Variants in SLCO3A1 observed in about 807,000 individuals in gnomAD.
SLCO3A1 encodes the protein PGE1 transporter.
In SLCO3A1, 27 loss-of-function variants were observed where a neutral mutation model predicts 63.1. That is an observed-to-expected ratio of 0.43 (90% confidence interval 0.32 to 0.59). The LOEUF (loss-of-function observed/expected upper bound fraction) is 0.59, where lower values mean the gene tolerates loss of function less well. Ranked by LOEUF, SLCO3A1 falls within the 20% of genes least tolerant of loss-of-function variation. The probability of loss-of-function intolerance (pLI) is 0.09; values close to 1 mark genes in which losing one functional copy is unlikely to be tolerated. For synonymous variants in SLCO3A1, 473 were observed against 409.9 expected, an observed-to-expected ratio of 1.15 and a Z score of -1.86; for missense variants, 773 against 945.8, an observed-to-expected ratio of 0.82 and a Z score of 2.40.
intron 1 of SLCO3A1, among the ~76,000 whole-genome samples, chr15:91,904,864 A>G (rs2151372039): frequency 6.6e-6 from 1 of 152,304 alleles, no homozygotes; most frequent in African/African-American, 2.4e-5. Flanking sequence ...AAGAGAGGAT[A>G]TAATTAGGTG....
chr15:91,977,296 T>C (rs983280923), intron 2 of SLCO3A1, among the ~76,000 whole-genome samples: 12 of 152,184 alleles, frequency 7.9e-5, no homozygotes, highest in Admixed American at 7.2e-4. Context: ...CAGCCTCATG[T>C]TGCTGACCCT....
intron 1 of SLCO3A1, among the ~76,000 whole-genome samples, chr15:91,901,121 G>A (rs1341539444): frequency 1.3e-5 from 2 of 151,668 alleles, no homozygotes; most frequent in Non-Finnish European, 2.9e-5. Flanking sequence ...ATTTTCTCAT[G>A]TTTCATTTCA....
chr15:92,090,528 G>A (rs2047459505), intron 2 of SLCO3A1, among the ~76,000 whole-genome samples: 1 of 152,194 alleles, frequency 6.6e-6, no homozygotes, highest in African/African-American at 2.4e-5. Context: ...GCAACCCAGT[G>A]TGCCAATGTG....
chr15:91,907,162 A>G (rs1428185693), intron 1 of SLCO3A1, among the ~76,000 whole-genome samples: 5 of 152,182 alleles, frequency 3.3e-5, no homozygotes, highest in African/African-American at 7.2e-5. Flanking sequence ...AATGCAGGCG[A>G]TGGCAGAGAC....
At chr15:92,136,557 T>C (rs945621564) in intron 7 of SLCO3A1, among the ~76,000 whole-genome samples, 2 of 152,248 alleles carry the variant, frequency 1.3e-5, no homozygotes, top group African/African-American at 4.8e-5. Context: ...AATAGAAACA[T>C]TTCTCAATTG....
Position 91,865,785 on chromosome 15 carries a change from C to G in SLCO3A1, c.180+11697C>G, listed in dbSNP as rs141171837. ...GCTTACATCTGCTAAGTCCTCGTTT[C>G]CAAATTAGGTCACATTCACAGGCAC... is the stretch of plus-strand genomic sequence containing the variant. On this transcript the variant is annotated intron_variant, in intron 1 of 9. Coordinates refer to ENST00000318445, the MANE Select transcript of SLCO3A1 (RefSeq NM_013272.4). The surrounding 1 kb of genome is among the most constrained non-coding windows in gnomAD (Gnocchi z 4.6). Among the ~76,000 whole-genome samples, 1 of 152,336 alleles carries G rather than the reference C, an allele frequency of 6.6e-6. No individual in the cohort carries two copies. Among genetic ancestry groups the G allele is most frequent in the African/African-American group, 2.4e-5 (1 of 41,572 alleles).
At chr15:91,908,948 C>G (rs369688213) in intron 1 of SLCO3A1, among the ~76,000 whole-genome samples, 24 of 152,278 alleles carry the variant, frequency 1.6e-4, no homozygotes, top group African/African-American at 5.8e-4. Context: ...GTAATCCCAG[C>G]TACTCAGGAG....
chr15:92,162,918 T>G lies in SLCO3A1; in HGVS notation c.1916T>G (p.Ile639Ser). ...ATCGCGCTCAAATCCTTCGCCTTCA[T>G]CCTGTACACCACCACGTGGCAGTGC... is the stretch of plus-strand genomic sequence containing the variant. ...IAIALKSFAF[I>S]LYTTTWQCLR... The change falls in exon 10 of 10, where the codon ATC becomes AGC. Residue 639 changes from isoleucine (I) to serine (S), a missense_variant. Ile to Ser is a moderately radical substitution (Grantham distance 142, BLOSUM62 -2). This residue lies in a region of SLCO3A1 where 139 missense variants were observed against 131.4 expected (regional missense o/e 1.06). Coordinates refer to ENST00000318445, the MANE Select transcript of SLCO3A1 (RefSeq NM_013272.4). 6.2e-7 allele frequency: 1 copy of G among 1,614,180 alleles called. No homozygotes were observed.
chr15:91,913,684 A>C (rs1476507894), intron 1 of SLCO3A1, among the ~76,000 whole-genome samples: 1 of 152,208 alleles, frequency 6.6e-6, no homozygotes, highest in East Asian at 1.9e-4. Context: ...AGATACACGT[A>C]TCTGGACACT....
chr15:92,004,194 T>A (rs900892154), intron 2 of SLCO3A1, among the ~76,000 whole-genome samples: 1 of 152,094 alleles, frequency 6.6e-6, no homozygotes, highest in Non-Finnish European at 1.5e-5. Context: ...CATGCTGGAC[T>A]AGCTGGGAGT....
intron 2 of SLCO3A1, among the ~76,000 whole-genome samples, chr15:91,987,178 A>T (rs561864397): frequency 6.6e-6 from 1 of 152,230 alleles, no homozygotes; most frequent in East Asian, 1.9e-4. Context: ...CAATAATCAG[A>T]TAATAAGGGA....
chr15:91,970,368 G>C (rs997780637), intron 2 of SLCO3A1, among the ~76,000 whole-genome samples: 1 of 152,202 alleles, frequency 6.6e-6, no homozygotes, highest in Middle Eastern at 3.2e-3. Context: ...GGCAGTTTGG[G>C]CTCCATCACA....
chr15:91,946,214 G>A (rs1022078096), intron 2 of SLCO3A1, among the ~76,000 whole-genome samples: 1 of 152,192 alleles, frequency 6.6e-6, no homozygotes, highest in Admixed American at 6.5e-5. Flanking sequence ...AATTAGGGCA[G>A]CGTCTTCTCT....
At chr15:92,101,376 G>A (rs571197877) in intron 3 of SLCO3A1, among the ~76,000 whole-genome samples, 3 of 152,076 alleles carry the variant, frequency 2.0e-5, no homozygotes, top group Non-Finnish European at 4.4e-5. Context: ...GGGCATGGTG[G>A]TGGGCACCTG....
intron 1 of SLCO3A1, among the ~76,000 whole-genome samples, chr15:91,877,817 A>G (rs1897438407): frequency 6.6e-6 from 1 of 152,132 alleles, no homozygotes; most frequent in Non-Finnish European, 1.5e-5. Flanking sequence ...CAATGAACCT[A>G]CAAAAAAATC....
chr15:92,065,095 T>TTTC (rs1312033980), intron 2 of SLCO3A1, among the ~76,000 whole-genome samples: 2 of 152,104 alleles, frequency 1.3e-5, no homozygotes, highest in Non-Finnish European at 2.9e-5. Flanking sequence ...TGTTTGTTTG[T>TTTC]TTTTGCAGAT....
chr15:91,935,997 C>T (rs74465965), intron 2 of SLCO3A1, among the ~76,000 whole-genome samples: 4 of 152,184 alleles, frequency 2.6e-5, no homozygotes, highest in Admixed American at 6.5e-5. Flanking sequence ...GGCAGATCAT[C>T]GAGCAAGGAG....
intron 2 of SLCO3A1, among the ~76,000 whole-genome samples, chr15:92,026,811 G>A (rs999254448): frequency 2.0e-5 from 3 of 152,176 alleles, no homozygotes; most frequent in African/African-American, 4.8e-5. Context: ...GATTATGGCC[G>A]GGCACAGTGG....
chr15:92,120,725 C>T (rs944338001), intron 5 of SLCO3A1, 96 bp downstream of exon 5: 29 of 990,730 alleles, frequency 2.9e-5, no homozygotes, highest in Non-Finnish European at 3.9e-5. Context: ...GAACCCCACT[C>T]TGCTCTGGGC....
Sources: allele counts gnomAD v4.1 joint callset (sites outside exome capture counted in the v4.1 genomes callset), GRCh38; gene constraint gnomAD v4.1.1; regional missense constraint gnomAD v4.1.1; non-coding constraint Gnocchi (gnomAD v3.1); transcripts MANE v1.5; gene names NCBI Gene and HGNC (gene_info 2026-07-23, HGNC 2026-07-21).